Variants in LAMA2 observed in about 807,000 individuals in gnomAD.
LAMA2 encodes the protein laminin subunit alpha 2.
LAMA2 carries 269 observed loss-of-function variants against 364.8 expected under a neutral mutation model. That is an observed-to-expected ratio of 0.74 (90% CI 0.67 to 0.82). The LOEUF is 0.82. Among genes scored for constraint, LAMA2 ranks in the 40% least tolerant of loss-of-function variants. The probability of loss-of-function intolerance (pLI) is 0.00; values close to 1 mark genes in which losing one functional copy is unlikely to be tolerated. For missense variants in LAMA2, 3,807 were observed against 3,873.2 expected, an observed-to-expected ratio of 0.98 and a Z score of 0.45; for synonymous variants, 1,379 against 1,370.6, an observed-to-expected ratio of 1.01 and a Z score of -0.14.
chr6:129,291,284 C>G (rs1479302435), intron 19 of LAMA2, among the ~76,000 whole-genome samples: 1 of 152,198 alleles, frequency 6.6e-6, no homozygotes, highest in Admixed American at 6.5e-5. Context: ...TATGACACAG[C>G]AGGCATGTGG....
intron 53 of LAMA2, among the ~76,000 whole-genome samples, chr6:129,478,095 G>A: frequency 6.6e-6 from 1 of 152,296 alleles, no homozygotes; most frequent in East Asian, 1.9e-4. Flanking sequence ...CACTCGGCCA[G>A]TAAACCTAAT....
intron 29 of LAMA2, among the ~76,000 whole-genome samples, chr6:129,329,136 G>GA (rs1452649750): frequency 2.0e-5 from 3 of 152,122 alleles, no homozygotes; most frequent in Non-Finnish European, 4.4e-5. Flanking sequence ...TGTCCCTCAA[G>GA]CTGTAATCTG....
At chr6:129,247,736 G>T (rs1225719253) in intron 12 of LAMA2, among the ~76,000 whole-genome samples, 1 of 152,088 alleles carries the variant, frequency 6.6e-6, no homozygotes, top group African/African-American at 2.4e-5. Context: ...GAGTATCAGA[G>T]ATACACAAAA....
chr6:128,974,698 T>C (rs947909135), intron 1 of LAMA2, among the ~76,000 whole-genome samples: 1 of 152,294 alleles, frequency 6.6e-6, no homozygotes, highest in Non-Finnish European at 1.5e-5. Context: ...AATGAGCCTG[T>C]GGGTTCACTG....
intron 1 of LAMA2, among the ~76,000 whole-genome samples, chr6:128,991,226 C>T (rs1783590129): frequency 6.6e-6 from 1 of 152,116 alleles, no homozygotes; most frequent in African/African-American, 2.4e-5. Context: ...CTTAGATTTG[C>T]TTCCTCCTTT....
intron 34 of LAMA2, among the ~76,000 whole-genome samples, chr6:129,378,764 A>C (rs1302023028): frequency 6.6e-6 from 1 of 152,204 alleles, no homozygotes; most frequent in African/African-American, 2.4e-5. Flanking sequence ...TTCCCTGTAC[A>C]TGTAAGTTCA....
At chr6:129,270,878 G>T in intron 17 of LAMA2, 127 bp downstream of exon 17, 1 of 1,032,290 alleles carries the variant, frequency 9.7e-7, no homozygotes, top group Non-Finnish European at 1.5e-6. Flanking sequence ...AATTTTTTCA[G>T]GAAAATTATA....
intron 17 of LAMA2, 117 bp from the exon 18 acceptor site, chr6:129,279,944 G>A (rs911290472): frequency 2.7e-6 from 2 of 752,040 alleles, no homozygotes; most frequent in African/African-American, 3.4e-5. Context: ...GGGTGAGAAT[G>A]ACCAGCCTGT....
chr6:128,993,666 A>C (rs1783747822), intron 1 of LAMA2, among the ~76,000 whole-genome samples: 1 of 152,192 alleles, frequency 6.6e-6, no homozygotes, highest in South Asian at 2.1e-4. Context: ...GTTTTTAAAA[A>C]AACATAAACT....
chr6:129,046,095 T>G (rs1382645880), intron 1 of LAMA2, among the ~76,000 whole-genome samples: 1 of 152,212 alleles, frequency 6.6e-6, no homozygotes, highest in Non-Finnish European at 1.5e-5. Context: ...AGAAGTATAA[T>G]TTTGCTCTCC....
In LAMA2 at chr6:129,106,716, C is replaced by CAA. The variant is rs565588271; in HGVS notation, c.639+8302_639+8303insAA. Among the ~76,000 whole-genome samples the CAA allele has an allele frequency of 1.1e-4, 17 of 151,936 alleles. No individual in the cohort carries two copies. In the South Asian group the frequency reaches 3.3e-3, roughly 30 times the overall value. On this transcript the variant is annotated intron_variant, in intron 4 of 64. Coordinates refer to ENST00000421865, the MANE Select transcript of LAMA2 (RefSeq NM_000426.4). Reference sequence around the variant, plus strand: ...GAGCAGCTGAAATATTTTGAAATGACACACACATAAAATACATAATTTATT... The same window carrying CAA: ...GAGCAGCTGAAATATTTTGAAATGACAAACACACATAAAATACATAATTTATT...
intron 53 of LAMA2, among the ~76,000 whole-genome samples, chr6:129,476,368 T>G (rs150199748): frequency 1.3e-3 from 195 of 152,348 alleles, no homozygotes; most frequent in African/African-American, 4.5e-3. Flanking sequence ...TGTGCTACAT[T>G]TGCTGAGATG....
intron 9 of LAMA2, among the ~76,000 whole-genome samples, chr6:129,172,529 C>G (rs1040655437): frequency 1.3e-5 from 2 of 152,234 alleles, no homozygotes; most frequent in Non-Finnish European, 1.5e-5. Flanking sequence ...GCAGTCTGCC[C>G]GTTCTTAGAT....
chr6:128,925,360 C>T (rs1282897966), intron 1 of LAMA2, among the ~76,000 whole-genome samples: 1 of 152,120 alleles, frequency 6.6e-6, no homozygotes, highest in Non-Finnish European at 1.5e-5. Flanking sequence ...ACACATGCTA[C>T]CATATGAATG....
chr6:129,463,064 A>G (rs1783341547), intron 49 of LAMA2, among the ~76,000 whole-genome samples: 1 of 152,006 alleles, frequency 6.6e-6, no homozygotes. Flanking sequence ...AAGTAAGGGG[A>G]AAAATCTGCT....
chr6:129,021,509 A>T (rs1785447288), intron 1 of LAMA2, among the ~76,000 whole-genome samples: 1 of 152,230 alleles, frequency 6.6e-6, no homozygotes, highest in Non-Finnish European at 1.5e-5. Flanking sequence ...TCAAAAGCTA[A>T]GAAGCTCTCA....
chr6:128,943,819 G>A (rs575180197), intron 1 of LAMA2, among the ~76,000 whole-genome samples: 2 of 152,304 alleles, frequency 1.3e-5, no homozygotes, highest in Admixed American at 1.3e-4. Flanking sequence ...CCTTCAGACA[G>A]GAGGTACTTT....
At chr6:129,060,638 G>T (rs1409292044) in intron 3 of LAMA2, among the ~76,000 whole-genome samples, 1 of 152,190 alleles carries the variant, frequency 6.6e-6, no homozygotes, top group Non-Finnish European at 1.5e-5. Flanking sequence ...GATAGTTAAT[G>T]ACAGACACCA....
intron 23 of LAMA2, among the ~76,000 whole-genome samples, chr6:129,314,040 G>C (rs1427810159): frequency 2.0e-5 from 3 of 152,090 alleles, no homozygotes; most frequent in Admixed American, 2.0e-4. Flanking sequence ...TGTTGCTTTT[G>C]AAATTTTCAT....
Sources: gnomAD v4.1 joint callset for allele counts (sites outside exome capture counted in the v4.1 genomes callset) on GRCh38, gnomAD v4.1.1 for gene constraint, MANE v1.5 for transcripts, NCBI Gene and HGNC (gene_info 2026-07-23, HGNC 2026-07-21) for gene names.